STK39: variants seen among roughly 807,000 people sequenced by gnomAD.
STK39 encodes the protein STE20/SPS1-related proline-alanine-rich protein kinase.
A neutral mutation model predicts 77.8 loss-of-function variants in STK39; 20 were observed. The ratio of observed to expected loss-of-function variants is 0.26; its 90% CI spans 0.18 to 0.37. The LOEUF (loss-of-function observed/expected upper bound fraction) is 0.37, where lower values mean the gene tolerates loss of function less well. Among genes scored for constraint, STK39 ranks in the 10% least tolerant of loss-of-function variants. STK39 has a pLI of 1.00. For missense variants in STK39, 479 were observed against 656.5 expected (o/e 0.73, Z 2.95); for synonymous variants, 246 against 234.1 (o/e 1.05, Z -0.47).
chr2:168,132,152 A>T (rs1413186998), intron 8 of STK39, among the ~76,000 whole-genome samples: 1 of 152,224 alleles, frequency 6.6e-6, no homozygotes, highest in Non-Finnish European at 1.5e-5. Flanking sequence ...ACCTCACAAC[A>T]TGAAACAACA....
intron 16 of STK39, among the ~76,000 whole-genome samples, chr2:167,973,230 T>C (rs1215481673): frequency 6.6e-6 from 1 of 151,882 alleles, no homozygotes; most frequent in Non-Finnish European, 1.5e-5. Flanking sequence ...TTAAAGATTA[T>C]TGGTAAAATA....
chr2:168,135,381 T>C (rs1687804765), intron 8 of STK39, among the ~76,000 whole-genome samples: 1 of 152,190 alleles, frequency 6.6e-6, no homozygotes, highest in African/African-American at 2.4e-5. Context: ...ACAGCGATCC[T>C]ATGAAGTGGG....
intron 12 of STK39, among the ~76,000 whole-genome samples, chr2:168,073,348 A>C (rs1685991796): frequency 1.3e-5 from 2 of 152,340 alleles, no homozygotes; most frequent in South Asian, 4.1e-4. Context: ...TGTGGTGAAC[A>C]ACAAATGTTT....
At chr2:168,087,613 T>C (rs897511774) in intron 10 of STK39, among the ~76,000 whole-genome samples, 3 of 152,222 alleles carry the variant, frequency 2.0e-5, no homozygotes, top group Non-Finnish European at 4.4e-5. Flanking sequence ...ACCCTGGGAA[T>C]GTTAGGCTTG....
At chr2:168,111,210 T>C (rs923242116) in intron 10 of STK39, among the ~76,000 whole-genome samples, 15 of 152,170 alleles carry the variant, frequency 9.9e-5, no homozygotes, top group African/African-American at 3.6e-4. Flanking sequence ...ATCCTTTTGG[T>C]TGTTGTTTGA....
At chr2:168,102,073 T>C (rs1338368391) in intron 10 of STK39, among the ~76,000 whole-genome samples, 1 of 152,108 alleles carries the variant, frequency 6.6e-6, no homozygotes, top group Admixed American at 6.6e-5. Flanking sequence ...TTGATGACAG[T>C]TGGGTTGTGT....
chr2:168,011,752 T>C (rs1312341470), intron 16 of STK39, among the ~76,000 whole-genome samples: 2 of 152,060 alleles, frequency 1.3e-5, no homozygotes, highest in South Asian at 2.1e-4. Flanking sequence ...CTAAAGGAGG[T>C]AGAAAGACCC....
intron 3 of STK39, among the ~76,000 whole-genome samples, chr2:168,164,750 T>C (rs114079612): frequency 0.017 from 2,600 of 152,252 alleles, 20 homozygotes; most frequent in Non-Finnish European, 0.025. Context: ...GCACTAACAC[T>C]TACAATAAAC....
At chr2:168,130,283 C>A (rs556592973) in intron 8 of STK39, among the ~76,000 whole-genome samples, 8 of 152,082 alleles carry the variant, frequency 5.3e-5, no homozygotes, top group Non-Finnish European at 8.8e-5. Flanking sequence ...TAAATGCGAT[C>A]GTGATTAATA....
At chr2:168,222,482 G>A (rs1431802793) in intron 1 of STK39, among the ~76,000 whole-genome samples, 2 of 152,186 alleles carry the variant, frequency 1.3e-5, no homozygotes, top group Admixed American at 1.3e-4. Context: ...TTTTACCAAT[G>A]TAGTAGCATT....
chr2:168,141,349 G>A (rs939924338), intron 5 of STK39, among the ~76,000 whole-genome samples: 24 of 152,006 alleles, frequency 1.6e-4, no homozygotes, highest in Non-Finnish European at 3.2e-4. Flanking sequence ...CCCCTCATTC[G>A]AAAACCAGAA....
intron 16 of STK39, among the ~76,000 whole-genome samples, chr2:168,008,430 A>T (rs1328209284): frequency 1.3e-5 from 2 of 152,176 alleles, no homozygotes; most frequent in African/African-American, 4.8e-5. Flanking sequence ...GATGCCTATG[A>T]AGAGTCTAAG....
At chr2:168,083,228 C>CA (rs1491104689) in intron 10 of STK39, among the ~76,000 whole-genome samples, 1 of 138,514 alleles carries the variant, frequency 7.2e-6, no homozygotes, top group Non-Finnish European at 1.6e-5. Context: ...CCACATTCTC[C>CA]TTTTTTTTTT....
intron 10 of STK39, among the ~76,000 whole-genome samples, chr2:168,120,693 G>A (rs1242406703): frequency 2.0e-5 from 3 of 152,146 alleles, no homozygotes; most frequent in Non-Finnish European, 4.4e-5. Context: ...GCTATAACCT[G>A]TGCCACTTAT....
In STK39 at chr2:167,967,125, T is replaced by C. The variant is rs143631613; in HGVS notation, c.1499-2399A>G. 2.6e-5 allele frequency among the ~76,000 whole-genome samples: 4 copies of C among 152,364 alleles called. No individual in the cohort carries two copies. In the East Asian group the frequency reaches 7.7e-4, roughly 29 times the overall value. ...GCTGAGAACACTGACCTTTGTGTTG[T>C]AAGACACTCGAGTTTCTGGAAAATG... is the stretch of plus-strand genomic sequence containing the variant. On this transcript the variant is annotated intron_variant, in intron 16 of 17. Coordinates refer to ENST00000355999, the MANE Select transcript of STK39 (RefSeq NM_013233.3).
At chr2:167,972,496 G>C (rs545970033) in intron 16 of STK39, among the ~76,000 whole-genome samples, 1 of 152,028 alleles carries the variant, frequency 6.6e-6, no homozygotes. Flanking sequence ...TCACAATGGC[G>C]GCCCGGGTTC....
intron 1 of STK39, among the ~76,000 whole-genome samples, chr2:168,228,745 C>T (rs573328131): frequency 2.6e-5 from 4 of 152,156 alleles, no homozygotes; most frequent in African/African-American, 7.2e-5. Flanking sequence ...GCCGAGATTG[C>T]GCCATTGCAC....
chr2:168,142,873 T>A (rs1001444100), intron 5 of STK39, among the ~76,000 whole-genome samples: 2 of 152,238 alleles, frequency 1.3e-5, no homozygotes, highest in African/African-American at 4.8e-5. Context: ...ACAGATTATA[T>A]GTACTCAGTA....
intron 16 of STK39, among the ~76,000 whole-genome samples, chr2:167,986,377 CT>C (rs1683557799): frequency 2.0e-5 from 3 of 152,256 alleles, no homozygotes; most frequent in South Asian, 2.1e-4. Flanking sequence ...ACAATTTTTG[CT>C]TTGGTCCTTG....
Sources: gnomAD v4.1 joint callset for allele counts (sites outside exome capture counted in the v4.1 genomes callset) on GRCh38, gnomAD v4.1.1 for gene constraint, MANE v1.5 for transcripts, NCBI Gene and HGNC (gene_info 2026-07-23, HGNC 2026-07-21) for gene names.